Variants in RNF39 observed in about 807,000 individuals in gnomAD.
The protein encoded by RNF39 is ring finger protein 39, also known as LTP (long-term potentiation) induced RING finger protein.
A neutral mutation model predicts 29.2 loss-of-function variants in RNF39; 25 were observed. The ratio of observed to expected loss-of-function variants is 0.86; its 90% CI spans 0.62 to 1.20. The LOEUF is 1.20. Ranked by LOEUF, RNF39 falls within the 50% of genes most tolerant of loss-of-function variation. The pLI is 0.00. For synonymous variants in RNF39, 219 were observed against 229.0 expected (o/e 0.96, Z 0.40); for missense variants, 519 against 515.0 (o/e 1.01, Z -0.08).
At position 30,071,563 on chromosome 6, in the gene RNF39, G is replaced by T. The variant is rs1040517177; in HGVS notation, c.607C>A (p.Pro203Thr). 6 of 1,499,258 alleles carry T rather than the reference G, an allele frequency of 4.0e-6. No individual in the cohort carries two copies. Among genetic ancestry groups the T allele is most frequent in the Non-Finnish European group, 5.3e-6 (6 of 1,129,640 alleles). 92.9% of individuals were successfully genotyped at this position (1,499,258 alleles called of 1,614,324 possible). A position where few individuals can be genotyped will look rare whatever the true frequency, so the allele number is the denominator to read the frequency against. ...PDGPKRFDQL[P>T]AVLGAQGFGA... ...AAGCCCTGCGCACCCAGCACAGCTG[G>T]GAGCTGATCGAAGCGCTTGGGGCCG... is the stretch of plus-strand genomic sequence containing the variant. Residue 203 changes from proline to threonine, a missense_variant, in exon 4 of 4, where the codon CCA (proline) becomes ACA (threonine). Coordinates refer to ENST00000244360, the MANE Select transcript of RNF39 (RefSeq NM_025236.4). The surrounding 1 kb of genome is among the most constrained non-coding windows in gnomAD (Gnocchi z 5.0).
rs1766357142 is a variant in RNF39 at position 30,075,496 on chromosome 6, C to T, written c.90G>A (p.Pro30=). Residue 30 remains proline, a synonymous_variant, in exon 1 of 4, where the codon CCG becomes CCA. Transcript: ENST00000244360. ...CPLCGGSFED[P]VLLACEHSFC... is the part of the protein sequence containing the mutation. ...AGCTGTGCTCGCACGCCAGAAGCAC[C>T]GGGTCCTCGAAGGAGCCCCCGCACA... 1 of 1,560,552 alleles carries T rather than the reference C, an allele frequency of 6.4e-7. No homozygotes were observed. The highest frequency in any genetic ancestry group is 8.7e-7 in the Non-Finnish European group (1 of 1,154,816).
chr6:30,075,229 G>A lies in RNF39; in HGVS notation c.357C>T (p.Pro119=), dbSNP rs553474981. The A allele has an allele frequency of 8.2e-6, 13 of 1,589,770 alleles. No homozygotes were observed. Among genetic ancestry groups the A allele is most frequent in the South Asian group, 1.1e-5 (1 of 88,500 alleles). The change falls in exon 1 of 4, where the codon CCC becomes CCT. Residue 119 remains proline (P), a synonymous_variant. Transcript: ENST00000244360. ...RIPTMGCLDL[P]GEDMRKTWRR... Reference sequence around the variant, plus strand: ...GACGCGCGCCCAGCCTCACCTCTCCGGGCAGGTCCAGGCAGCCCATGGTGG... The same window carrying A: ...GACGCGCGCCCAGCCTCACCTCTCCAGGCAGGTCCAGGCAGCCCATGGTGG...
chr6:30,071,409 C>T lies in RNF39; in HGVS notation c.761G>A (p.Arg254His). ...AGGGCACAGCCTTACGCAGCCCTTG[C>T]GTTGCACTGATTCCCCGGCCGCGCC... ...AVGAAGESVQRKGCVRLCPAG... is the reference protein window; with the variant it reads ...AVGAAGESVQHKGCVRLCPAG... Residue 254 changes from arginine (R) to histidine (H), a missense_variant, in exon 4 of 4, where the codon CGC becomes CAC. Physicochemically the swap from Arg to His is conservative, Grantham distance 29. Transcript: ENST00000244360. This position sits in a 1 kb window ranked among gnomAD's most constrained non-coding sequence, Gnocchi z 5.0. 2 of 1,495,722 alleles carry T rather than the reference C, an allele frequency of 1.3e-6. No individual in the cohort carries two copies. The highest frequency in any genetic ancestry group is 8.8e-7 in the Non-Finnish European group (1 of 1,131,094). 92.7% of individuals were successfully genotyped at this position (1,495,722 alleles called of 1,614,324 possible).
chr6:30,075,372 G>A lies in RNF39; in HGVS notation c.214C>T (p.Arg72Cys), dbSNP rs752193862. Residue 72 changes from arginine (R) to cysteine (C), a missense_variant, in exon 1 of 4, where the codon CGC becomes TGC. Arg to Cys is a radical substitution (Grantham distance 180). Coordinates refer to ENST00000244360, the MANE Select transcript of RNF39 (RefSeq NM_025236.4). ...CGCACATTAGACCTCAGGCTGCGGCGGGGACACGGCAGGCCGCAGCAGGGA... is the reference window on the plus strand; with the variant it reads ...CGCACATTAGACCTCAGGCTGCGGCAGGGACACGGCAGGCCGCAGCAGGGA... Reference protein sequence around the residue: ...ACPCCGLPCPRRSLRSNVRLA... With the variant: ...ACPCCGLPCPCRSLRSNVRLA... The A allele has an allele frequency of 1.9e-6, 3 of 1,575,860 alleles. No individual in the cohort carries two copies. The highest frequency in any genetic ancestry group is 1.8e-5 in the Admixed American group (1 of 56,090).
At position 30,071,858 on chromosome 6, in the gene RNF39, G is replaced by T. The variant is rs1237564397; in HGVS notation, c.479-167C>A. On this transcript the variant is annotated intron_variant, in intron 3 of 3. Transcript: ENST00000244360. The surrounding 1 kb of genome is among the most constrained non-coding windows in gnomAD (Gnocchi z 5.0). The stretch of plus-strand genomic sequence containing the variant: ...ACCAAAAAGAAGGAAGGCATATGAA[G>T]AGCAGACCTGGGCAATATCAGACCT... 1.3e-5 allele frequency among the ~76,000 whole-genome samples: 2 copies of T among 152,130 alleles called. No homozygotes were observed. The highest frequency in any genetic ancestry group is 2.9e-5 in the Non-Finnish European group (2 of 68,026).
Position 30,071,560 on chromosome 6 carries a change from C to T in RNF39, c.610G>A (p.Ala204Thr). The T allele has an allele frequency of 6.6e-7, 1 of 1,505,806 alleles. No individual in the cohort carries two copies. The allele number at this position is 1,505,806 out of a possible 1,614,324, so 93.3% of individuals were successfully genotyped here. The change falls in exon 4 of 4, where the codon GCT becomes ACT. Residue 204 changes from alanine to threonine, a missense_variant. Transcript: ENST00000244360. The surrounding 1 kb of genome is among the most constrained non-coding windows in gnomAD (Gnocchi z 5.0). ...CCGAAGCCCTGCGCACCCAGCACAG[C>T]TGGGAGCTGATCGAAGCGCTTGGGG... ...DGPKRFDQLP[A>T]VLGAQGFGAG...
Position 30,071,597 on chromosome 6 carries a change from C to G in RNF39, c.573G>C (p.Ala191=). 1 of 1,463,824 alleles carries G rather than the reference C, an allele frequency of 6.8e-7. No individual in the cohort carries two copies. Among genetic ancestry groups the G allele is most frequent in the South Asian group, 1.3e-5 (1 of 74,632 alleles). 90.7% of individuals were successfully genotyped at this position (1,463,824 alleles called of 1,614,324 possible). A position where few individuals can be genotyped will look rare whatever the true frequency, so the allele number is the denominator to read the frequency against. Residue 191 remains alanine (A), a synonymous_variant, in exon 4 of 4, where the codon GCG becomes GCC. Transcript: ENST00000244360. The surrounding 1 kb of genome is among the most constrained non-coding windows in gnomAD (Gnocchi z 5.0). Reference sequence around the variant, plus strand: ...CGAAGCGCTTGGGGCCGTCAGGGGGCGCGGGCGTCCCTGGTGGGGCCAGTT... The same window carrying G: ...CGAAGCGCTTGGGGCCGTCAGGGGGGGCGGGCGTCCCTGGTGGGGCCAGTT... ...SVQLAPPGTP[A]PPDGPKRFDQ...
In RNF39 at chr6:30,071,739, A is replaced by G. The variant is rs868111903; in HGVS notation, c.479-48T>C. The G allele has an allele frequency of 5.9e-6, 8 of 1,358,840 alleles. No individual in the cohort carries two copies. Among genetic ancestry groups the G allele is most frequent in the Non-Finnish European group, 7.6e-6 (8 of 1,046,428 alleles). 84.2% of individuals were successfully genotyped at this position (1,358,840 alleles called of 1,614,324 possible). ...AGGACCTCATGAGAGAGTTTTCTAA[A>G]TCACAGGCGGGGTAGGGTGGAGAAT... On this transcript the variant is annotated intron_variant, in intron 3 of 3. Coordinates refer to ENST00000244360, the MANE Select transcript of RNF39 (RefSeq NM_025236.4). The surrounding 1 kb of genome is among the most constrained non-coding windows in gnomAD (Gnocchi z 5.0).
chr6:30,073,058 A>G (rs1052221786), intron 3 of RNF39, 99 bp downstream of exon 3: 9 of 823,558 alleles, frequency 1.1e-5, no homozygotes, highest in Non-Finnish European at 1.9e-5. Flanking sequence ...AAACTAATGC[A>G]GACATCAAAA....
Position 30,071,649 on chromosome 6 carries a change from A to T in RNF39, c.521T>A (p.Leu174His), listed in dbSNP as rs1487150697. ...LDPGTAHRRL[L>H]ISADRRSVQL... ...TACGCTGCGGCGGTCGGCGGAGATG[A>T]GCAGGCGGCGGTGTGCGGTCCCAGG... The change falls in exon 4 of 4, where the codon CTC becomes CAC. Residue 174 changes from leucine to histidine, a missense_variant. Transcript: ENST00000244360. The surrounding 1 kb of genome is among the most constrained non-coding windows in gnomAD (Gnocchi z 5.0). 1.1e-5 allele frequency: 16 copies of T among 1,431,016 alleles called. No homozygotes were observed. The highest frequency in any genetic ancestry group is 1.5e-5 in the Non-Finnish European group (16 of 1,099,180). The allele number at this position is 1,431,016 out of a possible 1,614,324, so 88.6% of individuals were successfully genotyped here. A position where few individuals can be genotyped will look rare whatever the true frequency, so the allele number is the denominator to read the frequency against.
chr6:30,073,443 A>G lies in RNF39; in HGVS notation c.386+13T>C, dbSNP rs1416375362. On this transcript the variant is annotated intron_variant, in intron 2 of 3. Transcript: ENST00000244360. ...CTGGTGAGAAAAGGAGGGAACAGAA[A>G]AGTGGAACTCACCGTCTCCATGTCT... 6.2e-7 allele frequency: 1 copy of G among 1,614,120 alleles called. No individual in the cohort carries two copies. Among genetic ancestry groups the G allele is most frequent in the Non-Finnish European group, 8.5e-7 (1 of 1,180,004 alleles).
In RNF39 at chr6:30,071,748, G is replaced by A. The variant is rs1766005780; in HGVS notation, c.479-57C>T. The A allele has an allele frequency of 4.5e-6, 6 of 1,328,066 alleles. No individual in the cohort carries two copies. The highest frequency in any genetic ancestry group is 1.6e-5 in the South Asian group (1 of 62,608). 82.3% of individuals were successfully genotyped at this position (1,328,066 alleles called of 1,614,324 possible). On this transcript the variant is annotated intron_variant, in intron 3 of 3. Coordinates refer to ENST00000244360, the MANE Select transcript of RNF39 (RefSeq NM_025236.4). The surrounding 1 kb of genome is among the most constrained non-coding windows in gnomAD (Gnocchi z 5.0). ...TGAGAGAGTTTTCTAAATCACAGGC[G>A]GGGTAGGGTGGAGAATAGTCAACGA... is the stretch of plus-strand genomic sequence containing the variant.
chr6:30,071,831 G>C lies in RNF39; in HGVS notation c.479-140C>G. The C allele has an allele frequency of 1.5e-6, 1 of 678,724 alleles. No homozygotes were observed. The highest frequency in any genetic ancestry group is 2.2e-6 in the Non-Finnish European group (1 of 444,650). The allele number at this position is 678,724 out of a possible 1,614,324, so 42.0% of individuals were successfully genotyped here. A position where few individuals can be genotyped will look rare whatever the true frequency, so the allele number is the denominator to read the frequency against. On this transcript the variant is annotated intron_variant, in intron 3 of 3. Transcript: ENST00000244360. This position sits in a 1 kb window ranked among gnomAD's most constrained non-coding sequence, Gnocchi z 5.0. Reference sequence around the variant, plus strand: ...CACAACAGCTCAAAAGGCGACTGCAGGACCAAAAAGAAGGAAGGCATATGA... The same window carrying C: ...CACAACAGCTCAAAAGGCGACTGCACGACCAAAAAGAAGGAAGGCATATGA...
At position 30,071,508 on chromosome 6, in the gene RNF39, T is replaced by G; in HGVS notation, c.662A>C (p.Glu221Ala). 6.5e-7 allele frequency: 1 copy of G among 1,547,986 alleles called. No homozygotes were observed. The highest frequency in any genetic ancestry group is 8.7e-7 in the Non-Finnish European group (1 of 1,151,078). Reference sequence around the variant, plus strand: ...TCTGCAGGAGGCGGCGTCCGCAGTCTCCACCTCCCAGCAGTGGCGGCCGGC... The same window carrying G: ...TCTGCAGGAGGCGGCGTCCGCAGTCGCCACCTCCCAGCAGTGGCGGCCGGC... ...FGAGRHCWEV[E>A]TADAASCRDS... The change falls in exon 4 of 4, where the codon GAG becomes GCG. Residue 221 changes from glutamate (E) to alanine (A), a missense_variant. Transcript: ENST00000244360. This position sits in a 1 kb window ranked among gnomAD's most constrained non-coding sequence, Gnocchi z 5.0.
chr6:30,071,098 T>A lies in RNF39; in HGVS notation c.*13A>T. 22 of 1,549,714 alleles carry A rather than the reference T, an allele frequency of 1.4e-5. No individual in the cohort carries two copies. Among genetic ancestry groups the A allele is most frequent in the Non-Finnish European group, 1.9e-5 (22 of 1,145,718 alleles). ...GCCAGTGGCCGGGCCAAACTTCTAGTTGGAGACGAGACTCAGCTTTCCGCT... is the reference window on the plus strand; with the variant it reads ...GCCAGTGGCCGGGCCAAACTTCTAGATGGAGACGAGACTCAGCTTTCCGCT... On this transcript the variant is annotated 3_prime_UTR_variant, in exon 4 of 4. Coordinates refer to ENST00000244360, the MANE Select transcript of RNF39 (RefSeq NM_025236.4). This position sits in a 1 kb window ranked among gnomAD's most constrained non-coding sequence, Gnocchi z 5.0.
In RNF39 at chr6:30,071,931, A is replaced by G. The variant is rs370525434; in HGVS notation, c.479-240T>C. 6.6e-6 allele frequency among the ~76,000 whole-genome samples: 1 copy of G among 152,176 alleles called. No individual in the cohort carries two copies. The highest frequency in any genetic ancestry group is 1.9e-4 in the East Asian group (1 of 5,186). On this transcript the variant is annotated intron_variant, in intron 3 of 3. Coordinates refer to ENST00000244360, the MANE Select transcript of RNF39 (RefSeq NM_025236.4). The surrounding 1 kb of genome is among the most constrained non-coding windows in gnomAD (Gnocchi z 5.0). Reference sequence around the variant, plus strand: ...AGAATTGGACCTGGGGAAGGATCATACTGGCCCAGTGCAGGGAGCACAGCA... The same window carrying G: ...AGAATTGGACCTGGGGAAGGATCATGCTGGCCCAGTGCAGGGAGCACAGCA...
Position 30,071,115 on chromosome 6 carries a change from C to G in RNF39, c.1055G>C (p.Ser352Thr). The change falls in exon 4 of 4, where the codon AGC becomes ACC. Residue 352 changes from serine (S) to threonine (T), a missense_variant. Physicochemically the swap from Ser to Thr is moderately conservative, Grantham distance 58. Coordinates refer to ENST00000244360, the MANE Select transcript of RNF39 (RefSeq NM_025236.4). The surrounding 1 kb of genome is among the most constrained non-coding windows in gnomAD (Gnocchi z 5.0). ...ACTTCTAGTTGGAGACGAGACTCAG[C>G]TTTCCGCTGGTACAATGCGGAGCGG... Reference protein sequence around the residue: ...RAPLRIVPAES With the variant: ...RAPLRIVPAET 6.4e-7 allele frequency: 1 copy of G among 1,557,266 alleles called. No homozygotes were observed. The highest frequency in any genetic ancestry group is 8.7e-7 in the Non-Finnish European group (1 of 1,151,182).
Position 30,074,018 on chromosome 6 carries a change from G to A in RNF39, c.364-540C>T, listed in dbSNP as rs1429394062. ...TCCCCTCTTGCAATAAAAGCCCAGT[G>A]GCATTTATTGGGCCCTTTGCTTTGT... is the stretch of plus-strand genomic sequence containing the variant. On this transcript the variant is annotated intron_variant, in intron 1 of 3. Coordinates refer to ENST00000244360, the MANE Select transcript of RNF39 (RefSeq NM_025236.4). The surrounding 1 kb of genome is among the most constrained non-coding windows in gnomAD (Gnocchi z 4.1). Among the ~76,000 whole-genome samples, 1 of 152,176 alleles carries A rather than the reference G, an allele frequency of 6.6e-6. No homozygotes were observed. The highest frequency in any genetic ancestry group is 1.5e-5 in the Non-Finnish European group (1 of 68,034).
rs904988206 is a variant in RNF39 at position 30,071,220 on chromosome 6, T to G, written c.950A>C (p.Asp317Ala). 1.3e-6 allele frequency: 2 copies of G among 1,513,822 alleles called. No homozygotes were observed. The highest frequency in any genetic ancestry group is 1.8e-6 in the Non-Finnish European group (2 of 1,134,554). 93.8% of individuals were successfully genotyped at this position (1,513,822 alleles called of 1,614,324 possible). ...AGGCGCCTGGAAGGCGTAAAGCAGG[T>G]CGAGTGAGCGGCCGTCGTAGAAGGC... ...RVAFYDGRSLDLLYAFQAPGP... is the reference protein window; with the variant it reads ...RVAFYDGRSLALLYAFQAPGP... Residue 317 changes from aspartate to alanine, a missense_variant, in exon 4 of 4, where the codon GAC becomes GCC. Physicochemically the swap from Asp to Ala is moderately radical, Grantham distance 126 (BLOSUM62 -2). Transcript: ENST00000244360. This position sits in a 1 kb window ranked among gnomAD's most constrained non-coding sequence, Gnocchi z 5.0.
Sources: gnomAD v4.1 joint callset for allele counts (sites outside exome capture counted in the v4.1 genomes callset) on GRCh38, gnomAD v4.1.1 for gene constraint, Gnocchi (gnomAD v3.1) non-coding constraint, MANE v1.5 for transcripts, NCBI Gene and HGNC (gene_info 2026-07-23, HGNC 2026-07-21) for gene names.